The following DCLK1 variants were observed in gnomAD, a reference collection of about 807,000 sequenced individuals.
DCLK1 encodes serine/threonine-protein kinase DCLK1.
In DCLK1, 16 loss-of-function variants were observed where a neutral mutation model predicts 86.2. The observed-to-expected ratio is 0.19, with a 90% CI of 0.13 to 0.28. The LOEUF (loss-of-function observed/expected upper bound fraction) is 0.28. DCLK1 is among the 10% of genes least tolerant of loss of function. The probability of loss-of-function intolerance (pLI) is 1.00; values close to 1 mark genes in which losing one functional copy is unlikely to be tolerated. For missense variants in DCLK1, 590 were observed against 940.2 expected, an observed-to-expected ratio of 0.63 and a Z score of 4.87; for synonymous variants, 369 against 370.5, an observed-to-expected ratio of 1.00 and a Z score of 0.05.
intron 3 of DCLK1, among the ~76,000 whole-genome samples, chr13:36,069,320 A>G (rs1883882524): frequency 6.6e-6 from 1 of 152,248 alleles, no homozygotes; most frequent in African/African-American, 2.4e-5. Flanking sequence ...AATTAAGTTT[A>G]AATTAAGCTA....
At chr13:35,950,693 G>A (rs537268758) in intron 3 of DCLK1, among the ~76,000 whole-genome samples, 1 of 152,214 alleles carries the variant, frequency 6.6e-6, no homozygotes, top group African/African-American at 2.4e-5. Context: ...TTAGATACAG[G>A]GCAGACGCAA....
intron 4 of DCLK1, among the ~76,000 whole-genome samples, chr13:35,873,381 T>C (rs539586136): frequency 3.2e-4 from 49 of 152,178 alleles, no homozygotes; most frequent in African/African-American, 1.2e-3. Context: ...TCCAACAAAT[T>C]GTACTTTTTT....
chr13:36,070,371 A>T (rs1326006294), intron 3 of DCLK1, among the ~76,000 whole-genome samples: 2 of 152,222 alleles, frequency 1.3e-5, no homozygotes, highest in Non-Finnish European at 1.5e-5. Context: ...ACTAGTAGTA[A>T]CAGTACTGGA....
At chr13:35,877,970 AG>A (rs1872680053) in intron 4 of DCLK1, among the ~76,000 whole-genome samples, 1 of 152,076 alleles carries the variant, frequency 6.6e-6, no homozygotes, top group Non-Finnish European at 1.5e-5. Context: ...TCCCCTTGGG[AG>A]GCGCCCTCCT....
At chr13:36,063,850 C>T (rs1049671926) in intron 3 of DCLK1, among the ~76,000 whole-genome samples, 3 of 152,060 alleles carry the variant, frequency 2.0e-5, no homozygotes, top group Non-Finnish European at 4.4e-5. Context: ...CTCAGCTTGG[C>T]ACAGAGAATG....
chr13:35,825,751 A>G (rs372401743), intron 10 of DCLK1, among the ~76,000 whole-genome samples: 5 of 152,324 alleles, frequency 3.3e-5, no homozygotes, highest in African/African-American at 9.6e-5. Context: ...AGATAATTTA[A>G]TAATAAAGCA....
At chr13:35,821,171 C>G (rs2087386584) in intron 11 of DCLK1, among the ~76,000 whole-genome samples, 1 of 152,172 alleles carries the variant, frequency 6.6e-6, no homozygotes, top group African/African-American at 2.4e-5. Context: ...ATGTTCCTTA[C>G]CTATGAAATG....
At chr13:35,907,188 G>A (rs1413741568) in intron 4 of DCLK1, among the ~76,000 whole-genome samples, 3 of 151,994 alleles carry the variant, frequency 2.0e-5, no homozygotes, top group Non-Finnish European at 4.4e-5. Flanking sequence ...TTTGAGACAG[G>A]GTCTCAGTCT....
At chr13:36,025,289 G>A (rs1054215994) in intron 3 of DCLK1, among the ~76,000 whole-genome samples, 1 of 152,078 alleles carries the variant, frequency 6.6e-6, no homozygotes, top group African/African-American at 2.4e-5. Flanking sequence ...TTTCTATAAG[G>A]ATGCCAAGGT....
intron 15 of DCLK1, 63 bp downstream of exon 15, chr13:35,805,636 T>C (rs1010609449): frequency 6.6e-7 from 1 of 1,505,662 alleles, no homozygotes; most frequent in African/African-American, 1.4e-5. Flanking sequence ...CATTAGAAAA[T>C]CTGCAACTGA....
intron 3 of DCLK1, among the ~76,000 whole-genome samples, chr13:36,051,820 C>G (rs1016792542): frequency 6.6e-6 from 1 of 152,144 alleles, no homozygotes; most frequent in Non-Finnish European, 1.5e-5. Flanking sequence ...TCAGTAGCAG[C>G]TTTCTGAACT....
intron 3 of DCLK1, among the ~76,000 whole-genome samples, chr13:35,969,665 C>T (rs1486379619): frequency 6.6e-6 from 1 of 152,172 alleles, no homozygotes; most frequent in Non-Finnish European, 1.5e-5. Context: ...TTCCTCTTTC[C>T]CTAAGAAACG....
chr13:36,074,787 T>C (rs1454006822), intron 3 of DCLK1, among the ~76,000 whole-genome samples: 1 of 152,218 alleles, frequency 6.6e-6, no homozygotes, highest in African/African-American at 2.4e-5. Flanking sequence ...CACTGCCTGT[T>C]ACTGCCAAGA....
chr13:35,867,615 G>T (rs12100412), intron 5 of DCLK1, among the ~76,000 whole-genome samples: 11,350 of 152,172 alleles, frequency 0.075, 493 homozygotes, highest in Middle Eastern at 0.11. Flanking sequence ...TGTTGGCAGT[G>T]ACATACAAGT....
intron 11 of DCLK1, among the ~76,000 whole-genome samples, chr13:35,820,454 T>C (rs1027446329): frequency 1.3e-5 from 2 of 152,206 alleles, no homozygotes; most frequent in African/African-American, 4.8e-5. Flanking sequence ...ATGAGCATAA[T>C]ACATTAGAAG....
chr13:36,062,239 A>G, intron 3 of DCLK1, among the ~76,000 whole-genome samples: 1 of 152,274 alleles, frequency 6.6e-6, no homozygotes, highest in Non-Finnish European at 1.5e-5. Flanking sequence ...ACTGTTTTTG[A>G]ACTTCACTCA....
At chr13:35,816,404 A>G (rs1015156029) in intron 11 of DCLK1, among the ~76,000 whole-genome samples, 5 of 152,114 alleles carry the variant, frequency 3.3e-5, no homozygotes, top group African/African-American at 9.7e-5. Flanking sequence ...TGAATCGCAT[A>G]TATCTATACA....
At chr13:36,032,326 A>T (rs1882316304) in intron 3 of DCLK1, among the ~76,000 whole-genome samples, 2 of 151,950 alleles carry the variant, frequency 1.3e-5, no homozygotes, top group South Asian at 2.1e-4. Flanking sequence ...TATTTTTAGT[A>T]GAGACGGGGT....
intron 4 of DCLK1, among the ~76,000 whole-genome samples, chr13:35,900,280 G>C (rs1214352404): frequency 7.2e-6 from 1 of 138,944 alleles, no homozygotes; most frequent in Non-Finnish European, 1.5e-5. Context: ...TCGCTCTGTT[G>C]CCCAGGCTGG....
Sources: allele counts gnomAD v4.1 joint callset (sites outside exome capture counted in the v4.1 genomes callset), GRCh38; gene constraint gnomAD v4.1.1; transcripts MANE v1.5; gene names NCBI Gene and HGNC (gene_info 2026-07-23, HGNC 2026-07-21).